The following CROCC variants were observed in gnomAD, a reference collection of about 807,000 sequenced individuals.
The protein encoded by CROCC is rootletin.
In CROCC, 180 loss-of-function variants were observed where a neutral mutation model predicts 245.2. That is an observed-to-expected ratio of 0.73 (90% CI 0.65 to 0.83). The LOEUF is 0.83. CROCC is among the 40% of genes least tolerant of loss of function. The pLI, the probability that CROCC is intolerant of heterozygous loss-of-function variation, is 0.00. For synonymous variants in CROCC, 1,205 were observed against 1,241.6 expected, an observed-to-expected ratio of 0.97 and a Z score of 0.62; for missense variants, 2,688 against 2,779.4, an observed-to-expected ratio of 0.97 and a Z score of 0.74.
At chr1:16,919,562 G>C (rs1570571045), upstream of CROCC, among the ~76,000 whole-genome samples, 1 of 152,406 alleles carries the variant, frequency 6.6e-6, no homozygotes, top group East Asian at 1.9e-4. Flanking sequence ...ATTCGGCTGG[G>C]AACTTCAGGA....
At chr1:16,942,285 A>G (rs1355082805) in intron 13 of CROCC, among the ~76,000 whole-genome samples, 1 of 152,282 alleles carries the variant, frequency 6.6e-6, no homozygotes, top group Non-Finnish European at 1.5e-5. Flanking sequence ...GGTGTGAGCC[A>G]TCACGCCAGG....
At chr1:16,921,750 T>C (rs1345887299), upstream of CROCC, among the ~76,000 whole-genome samples, 7 of 152,206 alleles carry the variant, frequency 4.6e-5, no homozygotes, top group Admixed American at 1.3e-4. Flanking sequence ...TCCTCCCTCC[T>C]TTTCTCTCCC....
rs138857632 is a variant in CROCC, at chr1:16,952,655, C to T, written c.3007-647C>T. Among the ~76,000 whole-genome samples the T allele has an allele frequency of 3.3e-3, 503 of 152,252 alleles. 4 individuals are homozygous for T. Among genetic ancestry groups the T allele is most frequent in the African/African-American group, 0.012 (481 of 41,538 alleles). ...GGATCTGAACTCCTGTGACCTCCCC[C>T]TTGCTCTTCTTGCCCTTTGCATTGC... On this transcript the variant is annotated intron_variant, in intron 20 of 36. Transcript: ENST00000375541.
chr1:16,937,869 G>A, intron 10 of CROCC, 132 bp downstream of exon 10: 3 of 783,722 alleles, frequency 3.8e-6, no homozygotes, highest in Non-Finnish European at 6.5e-6. Context: ...AGCCCTCACA[G>A]GTGTGCAGGC....
rs1399276107 is a variant in CROCC at position 16,925,133 on chromosome 1, C to T, written c.351+654C>T. 3.3e-5 allele frequency among the ~76,000 whole-genome samples: 5 copies of T among 152,280 alleles called. No homozygotes were observed. The South Asian group carries it at 6.2e-4, about 19-fold the overall frequency. Reference sequence around the variant, plus strand: ...TGATGCACTGTCTGCTTTGGGCCTCCGGGTGGCCGGGAGGTGGCCCTGGGA... The same window carrying T: ...TGATGCACTGTCTGCTTTGGGCCTCTGGGTGGCCGGGAGGTGGCCCTGGGA... On this transcript the variant is annotated intron_variant, in intron 3 of 36. Transcript: ENST00000375541.
intron 33 of CROCC, 45 bp from the exon 34 acceptor site, chr1:16,970,208 G>T: frequency 6.7e-7 from 1 of 1,489,240 alleles, no homozygotes. Context: ...AGATAAGTAT[G>T]CTCAGGCCCA....
intron 17 of CROCC, among the ~76,000 whole-genome samples, chr1:16,947,483 T>TAATAATAAG (rs1430270547): frequency 3.4e-5 from 5 of 146,924 alleles, no homozygotes; most frequent in African/African-American, 1.3e-4. Flanking sequence ...ATAATAATAA[T>TAATAATAAG]AATAATAATA....
In CROCC at chr1:16,921,935, C is replaced by A. The variant is rs192333233; in HGVS notation, c.-84C>A. 2.9e-4 allele frequency: 390 copies of A among 1,364,034 alleles called. No homozygotes were observed. In the African/African-American group the frequency reaches 5.0e-3, roughly 17 times the overall value. 84.5% of individuals were successfully genotyped at this position (1,364,034 alleles called of 1,614,324 possible). Reference sequence around the variant, plus strand: ...TTAATCTGCCTGGTGCTCAGCACAGCATCCTGGCTGTGGCGCGTGCTGACT... The same window carrying A: ...TTAATCTGCCTGGTGCTCAGCACAGAATCCTGGCTGTGGCGCGTGCTGACT... On this transcript the variant is annotated 5_prime_UTR_variant, in exon 1 of 37. Coordinates refer to ENST00000375541, the MANE Select transcript of CROCC (RefSeq NM_014675.5).
intron 13 of CROCC, 63 bp downstream of exon 13, chr1:16,940,156 G>A (rs2075896664): frequency 6.6e-7 from 1 of 1,518,600 alleles, no homozygotes; most frequent in South Asian, 1.2e-5. Context: ...CATAACACCA[G>A]TCAAGCCTTA....
intron 3 of CROCC, among the ~76,000 whole-genome samples, chr1:16,927,842 C>G (rs1235424730): frequency 1.3e-5 from 2 of 152,298 alleles, no homozygotes; most frequent in Non-Finnish European, 2.9e-5. Context: ...CTTCCACCTC[C>G]CCTGCACAGC....
In CROCC at chr1:16,922,669, G is replaced by A; in HGVS notation, c.67G>A (p.Glu23Lys). ...CCTCTCGCTTTTCCCACAGACACTG[G>A]AGAGCAGCGTCCTGTGCCAGGAGAA... ...LTLETVIQTL[E>K]SSVLCQEKGL... The change falls in exon 2 of 37, where the codon GAG becomes AAG. Residue 23 changes from glutamate to lysine, a missense_variant. Physicochemically the swap from Glu to Lys is moderately conservative, Grantham distance 56. Coordinates refer to ENST00000375541, the MANE Select transcript of CROCC (RefSeq NM_014675.5). 1 of 1,608,034 alleles carries A rather than the reference G, an allele frequency of 6.2e-7. No individual in the cohort carries two copies. Among genetic ancestry groups the A allele is most frequent in the Non-Finnish European group, 8.5e-7 (1 of 1,177,348 alleles).
chr1:16,967,822 G>C (rs2076443906), intron 30 of CROCC, among the ~76,000 whole-genome samples: 1 of 152,150 alleles, frequency 6.6e-6, no homozygotes, highest in South Asian at 2.1e-4. Flanking sequence ...AGTGGGGCAG[G>C]AGAAGGGCCT....
At chr1:16,934,071 A>G (rs1369934465) in intron 8 of CROCC, among the ~76,000 whole-genome samples, 1 of 151,982 alleles carries the variant, frequency 6.6e-6, no homozygotes, top group Non-Finnish European at 1.5e-5. Flanking sequence ...TTTGATCAAG[A>G]CTCCATAAGT....
rs771990759 is a variant in CROCC, at chr1:16,966,163, G to A, written c.4696+44G>A. ...GTCCCTGTTCTCTCTCCTGTGTTTT[G>A]GGCAGTTGAGGCAGGAGCCGGGGGA... On this transcript the variant is annotated intron_variant, in intron 29 of 36. Transcript: ENST00000375541. The surrounding 1 kb of genome is among the most constrained non-coding windows in gnomAD (Gnocchi z 4.8). 5.7e-6 allele frequency: 9 copies of A among 1,576,844 alleles called. No individual in the cohort carries two copies. The Admixed American group carries it at 6.9e-5, about 12-fold the overall frequency.
Position 16,953,327 on chromosome 1 carries a change from C to T in CROCC, c.3032C>T (p.Ala1011Val), listed in dbSNP as rs1322857536. Reference protein sequence around the residue: ...EKEAAWRELEAERAQLQSQLQ... With the variant: ...EKEAAWRELEVERAQLQSQLQ... Reference sequence around the variant, plus strand: ...GAGGCAGCATGGCGGGAGCTGGAGGCCGAGCGGGCCCAGCTGCAGAGTCAG... The same window carrying T: ...GAGGCAGCATGGCGGGAGCTGGAGGTCGAGCGGGCCCAGCTGCAGAGTCAG... The change falls in exon 21 of 37, where the codon GCC becomes GTC. Residue 1011 changes from alanine to valine, a missense_variant. This residue lies in a region of CROCC where 106 missense variants were observed against 126.1 expected (regional missense o/e 0.84). Transcript: ENST00000375541. 6.3e-7 allele frequency: 1 copy of T among 1,594,238 alleles called. No individual in the cohort carries two copies. Among genetic ancestry groups the T allele is most frequent in the East Asian group, 2.3e-5 (1 of 43,986 alleles).
intron 25 of CROCC, among the ~76,000 whole-genome samples, chr1:16,957,995 C>T (rs561148136): frequency 1.8e-5 from 2 of 111,752 alleles, no homozygotes; most frequent in South Asian, 6.9e-4. Flanking sequence ...GTAGGCAGTA[C>T]CCCTCCCTGC....
At position 16,970,425 on chromosome 1, in the gene CROCC, G is replaced by T; in HGVS notation, c.5624G>T (p.Arg1875Leu). 1 of 1,600,162 alleles carries T rather than the reference G, an allele frequency of 6.2e-7. No homozygotes were observed. Among genetic ancestry groups the T allele is most frequent in the Non-Finnish European group, 8.5e-7 (1 of 1,172,576 alleles). The change falls in exon 34 of 37, where the codon CGT becomes CTT. Residue 1875 changes from arginine to leucine, a missense_variant. By Grantham distance (102) the Arg-to-Leu change is moderately radical. This residue lies in a region of CROCC where 1,218 missense variants were observed against 1,286.3 expected (regional missense o/e 0.95). Coordinates refer to ENST00000375541, the MANE Select transcript of CROCC (RefSeq NM_014675.5). ...TCAGCCCTGCGGCTGGAGAAGGACCGTGTAGCCCTCAGGAGGACGCTGGAC... is the reference window on the plus strand; with the variant it reads ...TCAGCCCTGCGGCTGGAGAAGGACCTTGTAGCCCTCAGGAGGACGCTGGAC... Reference protein sequence around the residue: ...ERSALRLEKDRVALRRTLDKV... With the variant: ...ERSALRLEKDLVALRRTLDKV...
At chr1:16,961,679 C>G (rs573460966) in intron 27 of CROCC, among the ~76,000 whole-genome samples, 1 of 152,246 alleles carries the variant, frequency 6.6e-6, no homozygotes, top group South Asian at 2.1e-4. Flanking sequence ...TCTTGGCTCC[C>G]TCTGCCTTGG....
chr1:16,972,299 C>T, intron 36 of CROCC, 61 bp from the exon 37 acceptor site: 1 of 1,377,640 alleles, frequency 7.3e-7, no homozygotes, highest in Non-Finnish European at 1.0e-6. Context: ...TCCCTGCTGC[C>T]TCCCTTTCTC....
Sources: gnomAD v4.1 joint callset for allele counts (sites outside exome capture counted in the v4.1 genomes callset) on GRCh38, gnomAD v4.1.1 for gene constraint, gnomAD v4.1.1 regional missense constraint, Gnocchi (gnomAD v3.1) non-coding constraint, MANE v1.5 for transcripts, NCBI Gene and HGNC (gene_info 2026-07-23, HGNC 2026-07-21) for gene names.